MYL6: variants seen among roughly 807,000 people sequenced by gnomAD.
MYL6 encodes myosin light chain 6.
MYL6 carries 20 observed loss-of-function variants against 20.3 expected under a neutral mutation model. That is an observed-to-expected ratio of 0.98 (90% CI 0.69 to 1.43). The LOEUF (loss-of-function observed/expected upper bound fraction) is 1.43, where lower values mean the gene tolerates loss of function less well. MYL6 is among the 40% of genes most tolerant of loss of function. The pLI is 0.00. For synonymous variants in MYL6, 77 were observed against 72.4 expected (o/e 1.06, Z -0.32); for missense variants, 164 against 191.0 (o/e 0.86, Z 0.83).
At chr12:56,158,909 C>T (rs1173632920) in intron 2 of MYL6, 198 bp downstream of exon 2, 5 of 1,431,138 alleles carry the variant, frequency 3.5e-6, no homozygotes, top group Non-Finnish European at 4.6e-6. Context: ...TAGATCTGAT[C>T]CCAAGCACTG....
chr12:56,160,969 C>A, intron 6 of MYL6: 3 of 569,154 alleles, frequency 5.3e-6, no homozygotes, highest in Non-Finnish European at 9.5e-6. Context: ...CCTTCTGGCC[C>A]TGGAGCATGG....
rs1435869984 is a variant in MYL6, at chr12:56,159,713, G to A, written c.158G>A (p.Gly53Glu). 5.6e-6 allele frequency: 9 copies of A among 1,613,978 alleles called. No homozygotes were observed. Among genetic ancestry groups the A allele is most frequent in the South Asian group, 1.1e-5 (1 of 91,082 alleles). The stretch of plus-strand genomic sequence containing the variant: ...AACGCCGAGGTGCTCAAGGTCCTGG[G>A]GAACCCCAAGAGTGATGGTGAGGGG... ...PTNAEVLKVL[G>E]NPKSDEMNVK... is the part of the protein sequence containing the mutation. The change falls in exon 3 of 7, where the codon GGG (glycine) becomes GAG (glutamate). Residue 53 changes from glycine (G) to glutamate (E), a missense_variant. Gly to Glu is a moderately conservative substitution (Grantham distance 98). Coordinates refer to ENST00000550697, the MANE Select transcript of MYL6 (RefSeq NM_021019.5).
chr12:56,159,050 TCTC>T (rs1871529434), intron 2 of MYL6: 17 of 771,472 alleles, frequency 2.2e-5, no homozygotes, highest in South Asian at 1.8e-4. Flanking sequence ...CTGCCTCTTT[TCTC>T]CTCTTGTGAT....
rs1204017287 is a variant in MYL6 at position 56,158,413 on chromosome 12, C to T, written c.3+9C>T. The T allele has an allele frequency of 2.0e-6, 3 of 1,529,712 alleles. No homozygotes were observed. In the Admixed American group the frequency reaches 6.6e-5, roughly 33 times the overall value. The allele number at this position is 1,529,712 out of a possible 1,614,324, so 94.8% of individuals were successfully genotyped here. A position where few individuals can be genotyped will look rare whatever the true frequency, so the allele number is the denominator to read the frequency against. On this transcript the variant is annotated intron_variant, in intron 1 of 6. Transcript: ENST00000550697. ...GCTGAGCAGTCAAGATGGTGGGGCC[C>T]AGGTCTTGGGAGACGGGCAGGATTG...
In MYL6 at chr12:56,158,726, ATCCCTACC is replaced by A; in HGVS notation, c.31+16_31+23del. ...CCAGACCGCAGGTAGGTTATCTCTGATCCCTACCGAGGTCACCCTTAGGGAGAGGGACA... is the reference window on the plus strand; with the variant it reads ...CCAGACCGCAGGTAGGTTATCTCTGAGAGGTCACCCTTAGGGAGAGGGACA... On this transcript the variant is annotated intron_variant, in intron 2 of 6. Transcript: ENST00000550697. The A allele has an allele frequency of 3.1e-6, 5 of 1,613,740 alleles. No homozygotes were observed. In the East Asian group the frequency reaches 1.1e-4, roughly 36 times the overall value.
intron 2 of MYL6, 104 bp downstream of exon 2, chr12:56,158,815 A>G: frequency 5.1e-6 from 8 of 1,563,190 alleles, no homozygotes; most frequent in South Asian, 1.2e-5. Context: ...TAGCACCCCC[A>G]TGAGATTACC....
At position 56,160,108 on chromosome 12, in the gene MYL6, C is replaced by T. The variant is rs145644274; in HGVS notation, c.309C>T (p.Thr103=). 286 of 1,614,014 alleles carry T rather than the reference C, an allele frequency of 1.8e-4. No homozygotes were observed. Among genetic ancestry groups the T allele is most frequent in the Non-Finnish European group, 2.4e-4 (280 of 1,180,004 alleles). Residue 103 remains threonine, a synonymous_variant, in exon 4 of 7, where the codon ACC becomes ACT. Coordinates refer to ENST00000550697, the MANE Select transcript of MYL6 (RefSeq NM_021019.5). ...LRVFDKEGNG[T]VMGAEIRHVL... is the part of the protein sequence containing the mutation. ...TGTTTGACAAGGAAGGAAATGGCACCGTCATGGGTGCTGAAATCCGGCATG... is the reference window on the plus strand; with the variant it reads ...TGTTTGACAAGGAAGGAAATGGCACTGTCATGGGTGCTGAAATCCGGCATG...
intron 2 of MYL6, chr12:56,159,022 T>A: frequency 9.3e-7 from 1 of 1,070,640 alleles, no homozygotes; most frequent in Non-Finnish European, 1.2e-6. Flanking sequence ...CTTTCCTTTG[T>A]CCTTTAATCA....
In MYL6 at chr12:56,158,398, C is replaced by T. The variant is rs201000496; in HGVS notation, c.-4C>T. 845 of 1,525,254 alleles carry T rather than the reference C, an allele frequency of 5.5e-4. 1 individual carries two copies. Among genetic ancestry groups the T allele is most frequent in the Non-Finnish European group, 6.9e-4 (786 of 1,139,732 alleles). The allele number at this position is 1,525,254 out of a possible 1,614,324, so 94.5% of individuals were successfully genotyped here. On this transcript the variant is annotated 5_prime_UTR_variant, in exon 1 of 7. Transcript: ENST00000550697. The stretch of plus-strand genomic sequence containing the variant: ...AAAAGGTCCCGGAGAGCTGAGCAGT[C>T]AAGATGGTGGGGCCCAGGTCTTGGG...
At position 56,161,418 on chromosome 12, in the gene MYL6, A is replaced by T. The variant is rs1345789209; in HGVS notation, c.*48A>T. 1.2e-6 allele frequency: 2 copies of T among 1,613,968 alleles called. No homozygotes were observed. The highest frequency in any genetic ancestry group is 3.3e-5 in the Admixed American group (2 of 60,004). ...TCCGCATGGTGCTGAATGGCTGAGGACCTTCCCAGTCTCCCCAGAGTCCGT... is the reference window on the plus strand; with the variant it reads ...TCCGCATGGTGCTGAATGGCTGAGGTCCTTCCCAGTCTCCCCAGAGTCCGT... On this transcript the variant is annotated 3_prime_UTR_variant, in exon 7 of 7. Coordinates refer to ENST00000550697, the MANE Select transcript of MYL6 (RefSeq NM_021019.5).
rs79787732 is a variant in MYL6 at position 56,160,627 on chromosome 12, G to A, written c.429G>A (p.Ala143=). 5.0e-5 allele frequency: 81 copies of A among 1,614,090 alleles called. No homozygotes were observed. Among genetic ancestry groups the A allele is most frequent in the Admixed American group, 2.2e-4 (13 of 60,004 alleles). Residue 143 remains alanine (A), a splice_region_variant and synonymous_variant, in exon 6 of 7, where the codon GCG becomes GCA. Coordinates refer to ENST00000550697, the MANE Select transcript of MYL6 (RefSeq NM_021019.5). ...EDSNGCINYE[A]FVRHILSG is the part of the protein sequence containing the mutation. ...ATGAATGTCTCTTCCTTCCTGCAGCGTTTGTGAGGCATATCCTGTCGGGGT... is the reference window on the plus strand; with the variant it reads ...ATGAATGTCTCTTCCTTCCTGCAGCATTTGTGAGGCATATCCTGTCGGGGT...
In MYL6 at chr12:56,159,739, C is replaced by G; in HGVS notation, c.175+9C>G. The G allele has an allele frequency of 6.2e-7, 1 of 1,612,444 alleles. No individual in the cohort carries two copies. On this transcript the variant is annotated intron_variant, in intron 3 of 6. Transcript: ENST00000550697. Reference sequence around the variant, plus strand: ...GAACCCCAAGAGTGATGGTGAGGGGCCTAAAGAACAACTCCTCAGTGTGGT... The same window carrying G: ...GAACCCCAAGAGTGATGGTGAGGGGGCTAAAGAACAACTCCTCAGTGTGGT...
In MYL6 at chr12:56,158,406, T is replaced by C; in HGVS notation, c.3+2T>C. 1 of 1,525,302 alleles carries C rather than the reference T, an allele frequency of 6.6e-7. No individual in the cohort carries two copies. The highest frequency in any genetic ancestry group is 8.8e-7 in the Non-Finnish European group (1 of 1,139,766). 94.5% of individuals were successfully genotyped at this position (1,525,302 alleles called of 1,614,324 possible). ...CCGGAGAGCTGAGCAGTCAAGATGG[T>C]GGGGCCCAGGTCTTGGGAGACGGGC... On this transcript the variant is annotated splice_donor_variant, in intron 1 of 6. Transcript: ENST00000550697. LOFTEE classifies it high-confidence loss of function.
In MYL6 at chr12:56,161,395, C is replaced by A; in HGVS notation, c.*25C>A. On this transcript the variant is annotated 3_prime_UTR_variant, in exon 7 of 7. Coordinates refer to ENST00000550697, the MANE Select transcript of MYL6 (RefSeq NM_021019.5). ...ACCTTTCCTTTCCACAGAGCTCGTC[C>A]GCATGGTGCTGAATGGCTGAGGACC... 6.2e-7 allele frequency: 1 copy of A among 1,614,160 alleles called. No homozygotes were observed. The highest frequency in any genetic ancestry group is 8.5e-7 in the Non-Finnish European group (1 of 1,180,016).
intron 2 of MYL6, 117 bp downstream of exon 2, chr12:56,158,828 C>A: frequency 6.5e-7 from 1 of 1,534,200 alleles, no homozygotes; most frequent in African/African-American, 1.4e-5. Context: ...AGATTACCCC[C>A]TGGATTATTT....
rs770574039 is a variant in MYL6, at chr12:56,158,521, T to A, written c.3+117T>A. ...AAAGGGAATCTGAGGACCCGAAAGG[T>A]TGGAGGTGGGGTTGGAAAGACTGGG... On this transcript the variant is annotated intron_variant, in intron 1 of 6. Coordinates refer to ENST00000550697, the MANE Select transcript of MYL6 (RefSeq NM_021019.5). The A allele has an allele frequency of 1.9e-6, 3 of 1,603,432 alleles. No homozygotes were observed. In the African/African-American group the frequency reaches 4.0e-5, roughly 22 times the overall value.
chr12:56,161,184 G>C (rs1452864547), intron 6 of MYL6: 2 of 636,300 alleles, frequency 3.1e-6, no homozygotes, highest in African/African-American at 3.6e-5. Context: ...GTTTGGGTGG[G>C]GGACTAACAG....
At chr12:56,159,336 G>A in intron 2 of MYL6, 2 of 466,944 alleles carry the variant, frequency 4.3e-6, no homozygotes, top group South Asian at 5.9e-5. Context: ...GTGGAGATTG[G>A]CAGGCCTGCC....
At chr12:56,159,296 A>T (rs1046705868) in intron 2 of MYL6, 2 of 385,894 alleles carry the variant, frequency 5.2e-6, no homozygotes, top group East Asian at 4.9e-5. Flanking sequence ...GCGGTGGCGA[A>T]TTCCTGCCCT....
Sources: gnomAD v4.1 joint callset for allele counts on GRCh38, gnomAD v4.1.1 for gene constraint, MANE v1.5 for transcripts, NCBI Gene and HGNC (gene_info 2026-07-23, HGNC 2026-07-21) for gene names.